GLRX3: variants seen among roughly 807,000 people sequenced by gnomAD.
The protein encoded by GLRX3 is glutaredoxin 3, also known as glutaredoxin-3.
GLRX3 carries 22 observed loss-of-function variants against 49.5 expected under a neutral mutation model. The observed-to-expected ratio is 0.44, with a 90% CI of 0.32 to 0.63. GLRX3 has a LOEUF of 0.63. GLRX3 is among the 30% of genes least tolerant of loss of function. The pLI is 0.05. For missense variants in GLRX3, 385 were observed against 396.3 expected (o/e 0.97, Z 0.24); for synonymous variants, 133 against 140.0 (o/e 0.95, Z 0.35).
chr10:130,166,131 A>G (rs1207055310), intron 4 of GLRX3, among the ~76,000 whole-genome samples: 2 of 152,122 alleles, frequency 1.3e-5, no homozygotes, highest in Non-Finnish European at 2.9e-5. Flanking sequence ...AGTCTCTGGG[A>G]TTACAGGTGT....
At position 130,136,395 on chromosome 10, in the gene GLRX3, G is replaced by A; in HGVS notation, c.-26G>A. ...CGCCCACATCCGGCCGCCGGCACTG[G>A]ATTGCTTCTGTCTGGCGGCGGCAGC... is the stretch of plus-strand genomic sequence containing the variant. On this transcript the variant is annotated 5_prime_UTR_variant, in exon 1 of 11. Transcript: ENST00000331244. 8.0e-7 allele frequency: 1 copy of A among 1,247,244 alleles called. No individual in the cohort carries two copies. The highest frequency in any genetic ancestry group is 4.0e-5 in the South Asian group (1 of 25,126). 77.3% of individuals were successfully genotyped at this position (1,247,244 alleles called of 1,614,324 possible).
chr10:130,160,299 C>T (rs940523717), intron 3 of GLRX3, among the ~76,000 whole-genome samples: 6 of 152,194 alleles, frequency 3.9e-5, no homozygotes, highest in African/African-American at 1.2e-4. Flanking sequence ...GGCCAGCAGC[C>T]AGAATCAGAG....
rs112779288 is a variant in GLRX3, at chr10:130,145,625, G to A, written c.201+306G>A. Among the ~76,000 whole-genome samples the A allele has an allele frequency of 4.4e-3, 673 of 152,062 alleles. 4 individuals are homozygous for A. Among genetic ancestry groups the A allele is most frequent in the African/African-American group, 0.015 (641 of 41,496 alleles). ...TGCAGTGAGCCGAGATTGTGCCACTGCACTCCAGCCTGGGTGACAGAGCGA... is the reference window on the plus strand; with the variant it reads ...TGCAGTGAGCCGAGATTGTGCCACTACACTCCAGCCTGGGTGACAGAGCGA... On this transcript the variant is annotated intron_variant, in intron 2 of 10. Transcript: ENST00000331244.
chr10:130,136,645 C>A, intron 1 of GLRX3, 133 bp downstream of exon 1: 1 of 1,087,102 alleles, frequency 9.2e-7, no homozygotes, highest in Non-Finnish European at 1.2e-6. Flanking sequence ...GGGGACCGGG[C>A]CCGGCGCCAC....
Position 130,175,090 on chromosome 10 carries a change from G to GTAAGGCCAGTTC in GLRX3, c.957+3_957+14dup. On this transcript the variant is annotated splice_donor_variant, in intron 10 of 10. Coordinates refer to ENST00000331244, the MANE Select transcript of GLRX3 (RefSeq NM_006541.5). LOFTEE classifies it high-confidence loss of function. ...GGTGGGAGGATTGGATATTGTGAAG[G>GTAAGGCCAGTTC]TAAGGCCAGTTCTTCTGCTGTTCTA... 6.7e-7 allele frequency: 1 copy of GTAAGGCCAGTTC among 1,483,774 alleles called. No individual in the cohort carries two copies. 91.9% of individuals were successfully genotyped at this position (1,483,774 alleles called of 1,614,324 possible).
chr10:130,150,761 G>A (rs1862360578), intron 2 of GLRX3, among the ~76,000 whole-genome samples: 2 of 152,098 alleles, frequency 1.3e-5, no homozygotes. Flanking sequence ...ATCTTCCGAA[G>A]GGTACCAACT....
chr10:130,160,976 ACTC>A lies in GLRX3; in HGVS notation c.461_463del (p.Pro154del). 1 of 1,612,894 alleles carries A rather than the reference ACTC, an allele frequency of 6.2e-7. No individual in the cohort carries two copies. Among genetic ancestry groups the A allele is most frequent in the Non-Finnish European group, 8.5e-7 (1 of 1,179,480 alleles). Reference sequence around the variant, plus strand: ...CCCCTGCATGCTGTTTATGAAAGGAACTCCTCAAGAACCACGCTGTGGTAAGAA... The same window carrying A: ...CCCCTGCATGCTGTTTATGAAAGGAACTCAAGAACCACGCTGTGGTAAGAA... On this transcript the variant is annotated inframe_deletion, in exon 4 of 11. Transcript: ENST00000331244.
chr10:130,162,538 T>A (rs751192568), intron 4 of GLRX3, among the ~76,000 whole-genome samples: 10 of 152,214 alleles, frequency 6.6e-5, no homozygotes, highest in Non-Finnish European at 1.3e-4. Flanking sequence ...ACTTACCACT[T>A]CAGTTGAATG....
chr10:130,162,228 C>T (rs28597754), intron 4 of GLRX3, among the ~76,000 whole-genome samples: 15,225 of 152,234 alleles, frequency 0.1, 782 homozygotes, highest in Middle Eastern at 0.13. Flanking sequence ...GATCCGCCTG[C>T]CTTGGCCTCC....
intron 10 of GLRX3, among the ~76,000 whole-genome samples, chr10:130,178,827 C>A (rs541965865): frequency 6.6e-5 from 10 of 152,228 alleles, no homozygotes; most frequent in African/African-American, 2.4e-4. Flanking sequence ...TCTCAGCCTC[C>A]TGAGTAGCTG....
intron 8 of GLRX3, among the ~76,000 whole-genome samples, chr10:130,173,244 G>A (rs949813305): frequency 6.6e-6 from 1 of 152,170 alleles, no homozygotes; most frequent in East Asian, 1.9e-4. Context: ...GAACATCTTG[G>A]TAACTTGGCT....
rs142931820 is a variant in GLRX3 at position 130,174,057 on chromosome 10, G to T, written c.825-810G>T. Among the ~76,000 whole-genome samples the T allele has an allele frequency of 2.2e-4, 33 of 152,304 alleles. No individual in the cohort carries two copies. In the East Asian group the frequency reaches 5.6e-3, roughly 26 times the overall value. On this transcript the variant is annotated intron_variant, in intron 8 of 10. Transcript: ENST00000331244. ...TACCTGACCACCTAACGGTGAAATCGCTCTGAGTGGATACAGTTGGATATT... is the reference window on the plus strand; with the variant it reads ...TACCTGACCACCTAACGGTGAAATCTCTCTGAGTGGATACAGTTGGATATT...
chr10:130,150,960 C>A (rs1862365557), intron 2 of GLRX3, among the ~76,000 whole-genome samples: 2 of 149,000 alleles, frequency 1.3e-5, no homozygotes, highest in South Asian at 4.3e-4. Context: ...CAGAGTCTCA[C>A]TGTGTCGCCC....
intron 1 of GLRX3, among the ~76,000 whole-genome samples, chr10:130,144,447 T>G (rs751942835): frequency 4.6e-5 from 7 of 152,130 alleles, no homozygotes; most frequent in Non-Finnish European, 1.0e-4. Context: ...TCCTAATGCT[T>G]TCTCTCCCCT....
At chr10:130,146,165 G>A (rs537454573) in intron 2 of GLRX3, among the ~76,000 whole-genome samples, 29 of 152,330 alleles carry the variant, frequency 1.9e-4, no homozygotes, top group African/African-American at 6.5e-4. Flanking sequence ...GTGGGCTGGA[G>A]TTTTGGAGAG....
At chr10:130,145,995 A>G (rs1170332818) in intron 2 of GLRX3, among the ~76,000 whole-genome samples, 1 of 152,098 alleles carries the variant, frequency 6.6e-6, no homozygotes, top group Non-Finnish European at 1.5e-5. Flanking sequence ...GGGTTTCACC[A>G]TCTTAGCCAG....
intron 2 of GLRX3, among the ~76,000 whole-genome samples, chr10:130,158,064 T>C (rs990027687): frequency 6.6e-6 from 1 of 152,226 alleles, no homozygotes; most frequent in African/African-American, 2.4e-5. Flanking sequence ...TCTCTTGTTA[T>C]GAGGATCCCT....
At chr10:130,165,288 A>G (rs1186289342) in intron 4 of GLRX3, among the ~76,000 whole-genome samples, 1 of 152,180 alleles carries the variant, frequency 6.6e-6, no homozygotes, top group Non-Finnish European at 1.5e-5. Context: ...ATTGGGAACA[A>G]TGGAGAAGAA....
intron 4 of GLRX3, among the ~76,000 whole-genome samples, chr10:130,162,347 G>A (rs1219237601): frequency 6.6e-6 from 1 of 152,162 alleles, no homozygotes; most frequent in East Asian, 1.9e-4. Flanking sequence ...GTCAGATAAT[G>A]CCTGCTATTT....
Sources: allele counts gnomAD v4.1 joint callset (sites outside exome capture counted in the v4.1 genomes callset), GRCh38; gene constraint gnomAD v4.1.1; transcripts MANE v1.5; gene names NCBI Gene and HGNC (gene_info 2026-07-23, HGNC 2026-07-21).